B3GALT1: variants seen among roughly 807,000 people sequenced by gnomAD.
B3GALT1 encodes the protein UDP-Gal:betaGlcNAc beta 1,3-galactosyltransferase, polypeptide 1.
In B3GALT1, 10 loss-of-function variants were observed where a neutral mutation model predicts 23.2. The ratio of observed to expected loss-of-function variants is 0.43; its 90% CI spans 0.27 to 0.73. The LOEUF (loss-of-function observed/expected upper bound fraction) is 0.73, where lower values mean the gene tolerates loss of function less well. Ranked by LOEUF, B3GALT1 falls within the 30% of genes least tolerant of loss-of-function variation. The probability of loss-of-function intolerance (pLI) is 0.21; values close to 1 mark genes in which losing one functional copy is unlikely to be tolerated. For synonymous variants in B3GALT1, 156 were observed against 141.5 expected, an observed-to-expected ratio of 1.10 and a Z score of -0.73; for missense variants, 299 against 405.4, an observed-to-expected ratio of 0.74 and a Z score of 2.25.
At chr2:167,795,606 A>G (rs1331234830) in intron 3 of B3GALT1, among the ~76,000 whole-genome samples, 2 of 152,176 alleles carry the variant, frequency 1.3e-5, no homozygotes, top group African/African-American at 4.8e-5. Context: ...CTGTACTCTG[A>G]GGAGAATCCT....
intron 1 of B3GALT1, among the ~76,000 whole-genome samples, chr2:167,431,091 T>G (rs946273276): frequency 6.6e-6 from 1 of 152,212 alleles, no homozygotes; most frequent in Non-Finnish European, 1.5e-5. Context: ...CCATGTACTT[T>G]GATAGCCAAT....
intron 4 of B3GALT1, among the ~76,000 whole-genome samples, chr2:167,833,292 C>T (rs1460574227): frequency 6.6e-6 from 1 of 152,280 alleles, no homozygotes; most frequent in South Asian, 2.1e-4. Context: ...AAATATTCTT[C>T]CAAGCCCACA....
chr2:167,649,091 AT>A (rs1405973345), intron 3 of B3GALT1, among the ~76,000 whole-genome samples: 2 of 152,054 alleles, frequency 1.3e-5, no homozygotes, highest in African/African-American at 4.8e-5. Context: ...TGTAGAAAAG[AT>A]TTTTGTTTTT....
At chr2:167,300,996 G>A (rs565198268) in intron 1 of B3GALT1, among the ~76,000 whole-genome samples, 41 of 152,266 alleles carry the variant, frequency 2.7e-4, no homozygotes, top group African/African-American at 9.6e-4. Flanking sequence ...ATCTCCTTTA[G>A]TGGACTGAAA....
chr2:167,415,491 A>T (rs1698454911), intron 1 of B3GALT1, among the ~76,000 whole-genome samples: 1 of 152,244 alleles, frequency 6.6e-6, no homozygotes, highest in Non-Finnish European at 1.5e-5. Context: ...GAAAATTGGT[A>T]CTGAGAAGTG....
chr2:167,361,735 T>C (rs555134252), intron 1 of B3GALT1, among the ~76,000 whole-genome samples: 24 of 152,266 alleles, frequency 1.6e-4, no homozygotes, highest in African/African-American at 5.8e-4. Flanking sequence ...TGTTTCCTTG[T>C]TTATCTCTTT....
At chr2:167,303,680 C>G (rs60325693) in intron 1 of B3GALT1, among the ~76,000 whole-genome samples, 8,174 of 106,834 alleles carry the variant, frequency 0.077, 578 homozygotes, top group African/African-American at 0.19. Flanking sequence ...CACACACACA[C>G]ACAGAGAGAG....
intron 4 of B3GALT1, among the ~76,000 whole-genome samples, chr2:167,847,707 C>G (rs897317681): frequency 6.6e-6 from 1 of 152,006 alleles, no homozygotes; most frequent in African/African-American, 2.4e-5. Flanking sequence ...AAACCAAACC[C>G]AAACCCATCA....
chr2:167,348,559 T>C (rs1697259919), intron 1 of B3GALT1, among the ~76,000 whole-genome samples: 1 of 152,160 alleles, frequency 6.6e-6, no homozygotes, highest in African/African-American at 2.4e-5. Flanking sequence ...CTTAATCTGT[T>C]ATTCAAGGCC....
chr2:167,453,435 A>G (rs183888804), intron 1 of B3GALT1, among the ~76,000 whole-genome samples: 80 of 152,312 alleles, frequency 5.3e-4, no homozygotes, highest in African/African-American at 1.8e-3. Flanking sequence ...TTTAGTGTCA[A>G]TTAGGATAAT....
At chr2:167,409,599 A>G (rs972186092) in intron 1 of B3GALT1, among the ~76,000 whole-genome samples, 2 of 152,100 alleles carry the variant, frequency 1.3e-5, no homozygotes, top group Non-Finnish European at 2.9e-5. Context: ...TTTCAGCTCC[A>G]TCAGGTCAGT....
At chr2:167,703,234 A>C (rs1947193) in intron 3 of B3GALT1, among the ~76,000 whole-genome samples, 1 of 152,040 alleles carries the variant, frequency 6.6e-6, no homozygotes, top group Non-Finnish European at 1.5e-5. Flanking sequence ...TAAGGTTTTA[A>C]TAACTTACTG....
chr2:167,501,483 A>G (rs1699846674), intron 2 of B3GALT1, among the ~76,000 whole-genome samples: 1 of 151,952 alleles, frequency 6.6e-6, no homozygotes, highest in African/African-American at 2.4e-5. Flanking sequence ...TGCTTTTTAA[A>G]AAAATTTCTG....
rs76921989 is a variant in B3GALT1 at position 167,437,149 on chromosome 2, G to A, written c.-510-53028G>A. Among the ~76,000 whole-genome samples, 842 of 152,174 alleles carry A rather than the reference G, an allele frequency of 5.5e-3. 10 individuals are homozygous for A. The highest frequency in any genetic ancestry group is 0.019 in the African/African-American group (808 of 41,508). On this transcript the variant is annotated intron_variant, in intron 1 of 4. Coordinates refer to ENST00000392690, the MANE Select transcript of B3GALT1 (RefSeq NM_020981.4). ...ATTCCCACTAGGTGAAGCATTTTCCGTACCAAAGTGTTCTGGAAATACTGT... is the reference window on the plus strand; with the variant it reads ...ATTCCCACTAGGTGAAGCATTTTCCATACCAAAGTGTTCTGGAAATACTGT...
chr2:167,624,942 G>A (rs920479125), intron 2 of B3GALT1, among the ~76,000 whole-genome samples: 2 of 151,918 alleles, frequency 1.3e-5, no homozygotes. Flanking sequence ...ACTGGCTAGT[G>A]ATTTTTCTAT....
At chr2:167,861,320 A>T (rs1690094872) in intron 4 of B3GALT1, among the ~76,000 whole-genome samples, 1 of 152,226 alleles carries the variant, frequency 6.6e-6, no homozygotes, top group Admixed American at 6.5e-5. Flanking sequence ...CAATGTGTTT[A>T]TTGGGATGTA....
chr2:167,574,859 G>C (rs1481808687), intron 2 of B3GALT1, among the ~76,000 whole-genome samples: 1 of 151,624 alleles, frequency 6.6e-6, no homozygotes, highest in Non-Finnish European at 1.5e-5. Flanking sequence ...TAATCATTCT[G>C]GCAACAGTGA....
chr2:167,430,328 G>A (rs1490460992), intron 1 of B3GALT1, among the ~76,000 whole-genome samples: 1 of 152,176 alleles, frequency 6.6e-6, no homozygotes, highest in Non-Finnish European at 1.5e-5. Flanking sequence ...TGAGGGACCA[G>A]ACCCAGTAGG....
At chr2:167,717,344 G>T (rs1158790454) in intron 3 of B3GALT1, among the ~76,000 whole-genome samples, 1 of 151,370 alleles carries the variant, frequency 6.6e-6, no homozygotes, top group Admixed American at 6.6e-5. Context: ...CAATGTGCAG[G>T]TTTGTTACAT....
Sources: allele counts gnomAD v4.1 joint callset (sites outside exome capture counted in the v4.1 genomes callset), GRCh38; gene constraint gnomAD v4.1.1; transcripts MANE v1.5; gene names NCBI Gene and HGNC (gene_info 2026-07-23, HGNC 2026-07-21).